The following RALGAPA2 variants were observed in gnomAD, a reference collection of about 807,000 sequenced individuals.
RALGAPA2 encodes ral GTPase-activating protein subunit alpha-2.
Under a neutral mutation model 230.4 loss-of-function variants are expected in RALGAPA2, and 139 were observed. The observed-to-expected ratio is 0.60, with a 90% CI of 0.53 to 0.69. The LOEUF is 0.69. Among genes scored for constraint, RALGAPA2 ranks in the 30% least tolerant of loss-of-function variants. The pLI is 0.00. For synonymous variants in RALGAPA2, 847 were observed against 837.8 expected (o/e 1.01, Z -0.19); for missense variants, 2,163 against 2,276.0 (o/e 0.95, Z 1.01).
intron 36 of RALGAPA2, among the ~76,000 whole-genome samples, chr20:20,473,498 T>C (rs1222920627): frequency 6.6e-6 from 1 of 152,186 alleles, no homozygotes; most frequent in Non-Finnish European, 1.5e-5. Context: ...TCTACTTTTT[T>C]TTGAGACAGG....
intron 6 of RALGAPA2, 50 bp downstream of exon 6, chr20:20,640,651 T>C (rs1388116967): frequency 1.0e-5 from 15 of 1,502,044 alleles, no homozygotes; most frequent in Non-Finnish European, 1.4e-5. Context: ...AATTCCTCAA[T>C]GTAAGTTCAA....
chr20:20,705,243 G>A (rs1409845914), intron 1 of RALGAPA2, among the ~76,000 whole-genome samples: 1 of 152,194 alleles, frequency 6.6e-6, no homozygotes, highest in Non-Finnish European at 1.5e-5. Flanking sequence ...GTCTTGCTCT[G>A]TCACCTAAGC....
intron 1 of RALGAPA2, among the ~76,000 whole-genome samples, chr20:20,697,515 G>A (rs565743000): frequency 1.3e-5 from 2 of 152,248 alleles, no homozygotes; most frequent in South Asian, 4.2e-4. Flanking sequence ...TTCTGTTGTG[G>A]GAGGTAATGT....
chr20:20,629,467 G>A lies in RALGAPA2; in HGVS notation c.1129C>T (p.Leu377Phe), dbSNP rs200707764. The A allele has an allele frequency of 2.8e-4, 449 of 1,613,956 alleles. No homozygotes were observed. The highest frequency in any genetic ancestry group is 9.9e-4 in the Middle Eastern group (6 of 6,062). Residue 377 changes from leucine to phenylalanine, a missense_variant, in exon 10 of 40, where the codon CTC becomes TTC. Transcript: ENST00000202677. ...CGGTGCTCTTCTTCAATGCTACAGA[G>A]GCTGGAGTTGCTGAGTCTTCGGTCC... Reference protein sequence around the residue: ...LSDRRLSNSSLCSIEEEHRMV... With the variant: ...LSDRRLSNSSFCSIEEEHRMV...
chr20:20,458,988 G>A (rs922863181), intron 37 of RALGAPA2, among the ~76,000 whole-genome samples: 5 of 151,218 alleles, frequency 3.3e-5, no homozygotes, highest in African/African-American at 1.2e-4. Flanking sequence ...AGAACTGGTG[G>A]CTAAGAATGT....
chr20:20,486,438 C>T (rs1328037109), intron 36 of RALGAPA2, among the ~76,000 whole-genome samples: 1 of 152,092 alleles, frequency 6.6e-6, no homozygotes, highest in African/African-American at 2.4e-5. Context: ...TCTTCTTGAT[C>T]GCTCAGTTTC....
chr20:20,687,972 C>T (rs796435208), intron 1 of RALGAPA2, among the ~76,000 whole-genome samples: 4 of 152,266 alleles, frequency 2.6e-5, no homozygotes, highest in African/African-American at 4.8e-5. Flanking sequence ...CAGTATGTTT[C>T]GGTACCTCCT....
At position 20,535,868 on chromosome 20, in the gene RALGAPA2, C is replaced by T. The variant is rs777524339; in HGVS notation, c.3415-65G>A. 7.3e-4 allele frequency: 1,105 copies of T among 1,504,056 alleles called. 6 individuals are homozygous for T. Among genetic ancestry groups the T allele is most frequent in the Non-Finnish European group, 8.1e-4 (912 of 1,121,860 alleles). The allele number at this position is 1,504,056 out of a possible 1,614,324, so 93.2% of individuals were successfully genotyped here. A position where few individuals can be genotyped will look rare whatever the true frequency, so the allele number is the denominator to read the frequency against. ...ATAGTTGGTTTCCCACATGTTCTGA[C>T]CATGTTCCAGGCAGCCAGGAGCTAC... On this transcript the variant is annotated intron_variant, in intron 25 of 39. Transcript: ENST00000202677.
At chr20:20,565,786 AT>A (rs1340930233) in intron 23 of RALGAPA2, among the ~76,000 whole-genome samples, 1 of 152,264 alleles carries the variant, frequency 6.6e-6, no homozygotes, top group East Asian at 1.9e-4. Context: ...GCTCAAGTGC[AT>A]TCAGCAACTG....
chr20:20,478,989 T>C (rs2061713822), intron 36 of RALGAPA2, among the ~76,000 whole-genome samples: 1 of 152,060 alleles, frequency 6.6e-6, no homozygotes, highest in Non-Finnish European at 1.5e-5. Flanking sequence ...CAACTATAGA[T>C]ACTTAGAAAA....
intron 27 of RALGAPA2, among the ~76,000 whole-genome samples, chr20:20,528,427 G>C (rs1249379827): frequency 6.6e-6 from 1 of 152,156 alleles, no homozygotes; most frequent in Non-Finnish European, 1.5e-5. Flanking sequence ...GAGTGTGTGA[G>C]GGATGGACTT....
chr20:20,434,571 G>A (rs1032407264), intron 37 of RALGAPA2, among the ~76,000 whole-genome samples: 1 of 152,178 alleles, frequency 6.6e-6, no homozygotes, highest in African/African-American at 2.4e-5. Context: ...ACCACGTTCT[G>A]CATGGGATGT....
intron 16 of RALGAPA2, among the ~76,000 whole-genome samples, chr20:20,601,238 GA>G (rs1193501833): frequency 1.5e-4 from 23 of 152,218 alleles, no homozygotes; most frequent in Admixed American, 1.5e-3. Context: ...CCACAGGCAT[GA>G]AAAGGCTCAA....
rs867788643 is a variant in RALGAPA2, at chr20:20,393,156, G to C, written c.*133C>G. 1 of 1,360,696 alleles carries C rather than the reference G, an allele frequency of 7.3e-7. No individual in the cohort carries two copies. Among genetic ancestry groups the C allele is most frequent in the African/African-American group, 1.5e-5 (1 of 67,728 alleles). The allele number at this position is 1,360,696 out of a possible 1,614,324, so 84.3% of individuals were successfully genotyped here. The stretch of plus-strand genomic sequence containing the variant: ...AGCAACGAAATTTCCTGGAGATTCT[G>C]GGTTTAGTGGCTCGGGGCAGAGGCA... On this transcript the variant is annotated 3_prime_UTR_variant, in exon 40 of 40. Transcript: ENST00000202677.
intron 23 of RALGAPA2, among the ~76,000 whole-genome samples, chr20:20,557,821 A>G (rs973524494): frequency 3.3e-5 from 5 of 152,194 alleles, no homozygotes; most frequent in African/African-American, 1.2e-4. Flanking sequence ...CTTTTAATTT[A>G]ACAGACACGG....
At chr20:20,527,905 A>C (rs1415789081) in intron 27 of RALGAPA2, among the ~76,000 whole-genome samples, 2 of 152,132 alleles carry the variant, frequency 1.3e-5, no homozygotes, top group African/African-American at 4.8e-5. Flanking sequence ...AGGCTGGCAA[A>C]GCTCTGAACT....
intron 37 of RALGAPA2, among the ~76,000 whole-genome samples, chr20:20,470,418 A>G (rs1310630041): frequency 6.6e-6 from 1 of 152,232 alleles, no homozygotes; most frequent in Non-Finnish European, 1.5e-5. Context: ...ACTCCAAAGT[A>G]ATTCCACTGG....
chr20:20,427,660 G>A (rs186858224), intron 37 of RALGAPA2, among the ~76,000 whole-genome samples: 3 of 152,034 alleles, frequency 2.0e-5, no homozygotes, highest in East Asian at 1.9e-4. Flanking sequence ...GTGGCCCCTC[G>A]GCTTGCAATT....
chr20:20,640,000 T>C, intron 6 of RALGAPA2, 100 bp from the exon 7 acceptor site: 1 of 864,316 alleles, frequency 1.2e-6, no homozygotes, highest in South Asian at 1.5e-5. Context: ...CATCTCTCCA[T>C]CCACTGAAGC....
Sources: allele counts gnomAD v4.1 joint callset (sites outside exome capture counted in the v4.1 genomes callset), GRCh38; gene constraint gnomAD v4.1.1; transcripts MANE v1.5; gene names NCBI Gene and HGNC (gene_info 2026-07-23, HGNC 2026-07-21).